The following DCUN1D3 variants were observed in gnomAD, a reference collection of about 807,000 sequenced individuals.
The protein encoded by DCUN1D3 is DCN1-like protein 3.
Under a neutral mutation model 24.8 loss-of-function variants are expected in DCUN1D3, and 6 were observed. The observed-to-expected ratio is 0.24, with a 90% CI of 0.13 to 0.48. DCUN1D3 has a LOEUF of 0.48. Among genes scored for constraint, DCUN1D3 ranks in the 20% least tolerant of loss-of-function variants. The probability of loss-of-function intolerance (pLI) is 0.99; values close to 1 mark genes in which losing one functional copy is unlikely to be tolerated. For synonymous variants in DCUN1D3, 120 were observed against 144.9 expected, an observed-to-expected ratio of 0.83 and a Z score of 1.24; for missense variants, 258 against 379.4, an observed-to-expected ratio of 0.68 and a Z score of 2.66.
rs374366221 is a variant in DCUN1D3, at chr16:20,860,297, G to T, written c.504C>A (p.Ser168Arg). Residue 168 changes from serine to arginine, a missense_variant, in exon 3 of 3, where the codon AGC (serine) becomes AGA (arginine). Coordinates refer to ENST00000324344, the MANE Select transcript of DCUN1D3 (RefSeq NM_173475.4). This position sits in a 1 kb window ranked among gnomAD's most constrained non-coding sequence, Gnocchi z 4.3. ...SIDGICARFP[S>R]LLTEAKQEDK... ...CCTCTTGTTTGGCTTCTGTTAAGAG[G>T]CTAGGGAACCGTGCACAGATTCCGT... The T allele has an allele frequency of 6.2e-7, 1 of 1,614,198 alleles. No homozygotes were observed.
rs879494356 is a variant in DCUN1D3 at position 20,889,382 on chromosome 16, G to GA, written c.-106+10821dup. ...ACTCCAGGCTGGGCAACAGAGTGAA[G>GA]AAAAAAAAAAAAGGTAACATGAAAT... On this transcript the variant is annotated intron_variant, in intron 1 of 2. Coordinates refer to ENST00000324344, the MANE Select transcript of DCUN1D3 (RefSeq NM_173475.4). 2.4e-3 allele frequency among the ~76,000 whole-genome samples: 337 copies of GA among 141,120 alleles called. 1 individual carries two copies. Among genetic ancestry groups the GA allele is most frequent in the African/African-American group, 6.2e-3 (238 of 38,596 alleles). The allele number at this position is 141,120 out of a possible 152,430, so 92.6% of individuals were successfully genotyped here.
At chr16:20,874,903 C>T (rs182343044) in intron 1 of DCUN1D3, among the ~76,000 whole-genome samples, 28 of 151,888 alleles carry the variant, frequency 1.8e-4, no homozygotes, top group African/African-American at 6.5e-4. Context: ...CAAAGATAAG[C>T]AGGTAATTAA....
chr16:20,866,469 T>C (rs1036642821), intron 1 of DCUN1D3, among the ~76,000 whole-genome samples: 10 of 152,040 alleles, frequency 6.6e-5, no homozygotes, highest in African/African-American at 2.4e-4. Context: ...GGACAGATGC[T>C]TCATCCTAGC....
intron 1 of DCUN1D3, among the ~76,000 whole-genome samples, chr16:20,881,441 T>C (rs747325814): frequency 6.6e-6 from 1 of 152,170 alleles, no homozygotes; most frequent in Non-Finnish European, 1.5e-5. Flanking sequence ...TACCCTTACT[T>C]CTATGATGCA....
chr16:20,890,183 G>T (rs980926538), intron 1 of DCUN1D3, among the ~76,000 whole-genome samples: 3 of 152,112 alleles, frequency 2.0e-5, no homozygotes, highest in African/African-American at 7.2e-5. Context: ...TGAGTTCTAT[G>T]ACTCATGATA....
chr16:20,892,089 G>A (rs1267049426), intron 1 of DCUN1D3, among the ~76,000 whole-genome samples: 4 of 152,114 alleles, frequency 2.6e-5, no homozygotes, highest in African/African-American at 7.2e-5. Context: ...TGCTCTGGGA[G>A]TCTTTAGGCT....
chr16:20,860,206 A>C lies in DCUN1D3; in HGVS notation c.595T>G (p.Ser199Ala). Residue 199 changes from serine to alanine, a missense_variant, in exon 3 of 3, where the codon TCA becomes GCA. Coordinates refer to ENST00000324344, the MANE Select transcript of DCUN1D3 (RefSeq NM_173475.4). This position sits in a 1 kb window ranked among gnomAD's most constrained non-coding sequence, Gnocchi z 4.3. ...FGLDSEEGQR[S>A]LHREIAIALW... ...GCAATGGCTATTTCCCGATGCAGTGACCGCTGCCCTTCTTCAGAGTCCAGG... is the reference window on the plus strand; with the variant it reads ...GCAATGGCTATTTCCCGATGCAGTGCCCGCTGCCCTTCTTCAGAGTCCAGG... 6.2e-7 allele frequency: 1 copy of C among 1,614,240 alleles called. No homozygotes were observed. Among genetic ancestry groups the C allele is most frequent in the African/African-American group, 1.3e-5 (1 of 75,060 alleles).
At chr16:20,885,136 C>T (rs1031216666) in intron 1 of DCUN1D3, among the ~76,000 whole-genome samples, 2 of 151,974 alleles carry the variant, frequency 1.3e-5, no homozygotes, top group Admixed American at 1.3e-4. Context: ...CCACCATACT[C>T]GGCTAATTTT....
chr16:20,881,138 C>T (rs1443377145), intron 1 of DCUN1D3, among the ~76,000 whole-genome samples: 2 of 152,186 alleles, frequency 1.3e-5, no homozygotes, highest in Non-Finnish European at 2.9e-5. Context: ...TTACCCAATG[C>T]ACACATATAA....
intron 1 of DCUN1D3, among the ~76,000 whole-genome samples, chr16:20,873,928 T>C (rs1425593675): frequency 6.6e-6 from 1 of 152,116 alleles, no homozygotes; most frequent in Non-Finnish European, 1.5e-5. Context: ...AATCACCAAG[T>C]GGAAAGCAGT....
intron 1 of DCUN1D3, among the ~76,000 whole-genome samples, chr16:20,889,224 CAA>C (rs398028978): frequency 8.2e-5 from 9 of 109,826 alleles, no homozygotes; most frequent in Admixed American, 3.9e-4. Flanking sequence ...GACTCCATCT[CAA>C]AAAAAAAAAA....
chr16:20,874,776 C>T (rs1485399762), intron 1 of DCUN1D3, among the ~76,000 whole-genome samples: 5 of 152,012 alleles, frequency 3.3e-5, no homozygotes, highest in Non-Finnish European at 7.4e-5. Flanking sequence ...TATTTGAATA[C>T]GTTCTCTGCA....
At chr16:20,879,037 T>A (rs1354990754) in intron 1 of DCUN1D3, among the ~76,000 whole-genome samples, 1 of 152,120 alleles carries the variant, frequency 6.6e-6, no homozygotes, top group East Asian at 1.9e-4. Flanking sequence ...GGCCCAGTTA[T>A]GATATTTGGG....
rs2081738882 is a variant in DCUN1D3 at position 20,862,509 on chromosome 16, ATTC to A, written c.27_29del (p.Lys9del). 1.9e-6 allele frequency: 3 copies of A among 1,607,068 alleles called. No homozygotes were observed. Among genetic ancestry groups the A allele is most frequent in the Non-Finnish European group, 1.7e-6 (2 of 1,179,858 alleles). On this transcript the variant is annotated inframe_deletion, in exon 2 of 3. Transcript: ENST00000324344. ...TTTTGCTGCCCAGGGTCGATGAGGG[ATTC>A]TTACACTTGGTGACACACTGGCCCA...
intron 1 of DCUN1D3, among the ~76,000 whole-genome samples, chr16:20,882,169 T>A (rs1384579479): frequency 6.6e-6 from 1 of 151,986 alleles, no homozygotes; most frequent in African/African-American, 2.4e-5. Flanking sequence ...TTTCATGCCT[T>A]ATGCTGGGAT....
rs1465113604 is a variant in DCUN1D3 at position 20,857,719 on chromosome 16, C to CTTTCT, written c.*2166_*2167insAGAAA. On this transcript the variant is annotated 3_prime_UTR_variant, in exon 3 of 3. Transcript: ENST00000324344. ...TTATTTAGCTAGAACAGAAGCCAGG[C>CTTTCT]ATCTGGCCCAAGACCCCCTTCAGCT... 1 of 152,188 alleles carries CTTTCT rather than the reference C, an allele frequency of 6.6e-6. No individual in the cohort carries two copies. Among genetic ancestry groups the CTTTCT allele is most frequent in the Non-Finnish European group, 1.5e-5 (1 of 68,056 alleles). 9.4% of individuals were successfully genotyped at this position (152,188 alleles called of 1,614,324 possible). A position where few individuals can be genotyped will look rare whatever the true frequency, so the allele number is the denominator to read the frequency against.
chr16:20,863,782 C>A (rs746702716), intron 1 of DCUN1D3, among the ~76,000 whole-genome samples: 1 of 152,012 alleles, frequency 6.6e-6, no homozygotes, highest in Non-Finnish European at 1.5e-5. Flanking sequence ...GCACACAGAC[C>A]AATGGAACAG....
At chr16:20,887,410 A>T (rs759011056) in intron 1 of DCUN1D3, among the ~76,000 whole-genome samples, 39 of 152,272 alleles carry the variant, frequency 2.6e-4, no homozygotes, top group Non-Finnish European at 5.3e-4. Context: ...ACACATGAGT[A>T]TTCATTTCAG....
intron 1 of DCUN1D3, among the ~76,000 whole-genome samples, chr16:20,867,844 C>T (rs763132892): frequency 9.9e-5 from 15 of 152,240 alleles, no homozygotes; most frequent in African/African-American, 1.7e-4. Context: ...TGTTCCAAAA[C>T]CGATTATCTT....
Sources: gnomAD v4.1 joint callset for allele counts (sites outside exome capture counted in the v4.1 genomes callset) on GRCh38, gnomAD v4.1.1 for gene constraint, Gnocchi (gnomAD v3.1) non-coding constraint, MANE v1.5 for transcripts, NCBI Gene and HGNC (gene_info 2026-07-23, HGNC 2026-07-21) for gene names.